The following GPR39 variants were observed in gnomAD, a reference collection of about 807,000 sequenced individuals.
GPR39 encodes the protein G protein-coupled receptor 39, also known as zinc sensing receptor.
GPR39 carries 23 observed loss-of-function variants against 18.4 expected under a neutral mutation model. The observed-to-expected ratio is 1.25, with a 90% CI of 0.90 to 1.77. The LOEUF (loss-of-function observed/expected upper bound fraction) is 1.77, where lower values mean the gene tolerates loss of function less well. Ranked by LOEUF, GPR39 falls within the 40% of genes most tolerant of loss-of-function variation. The probability of loss-of-function intolerance (pLI) is 0.00; values close to 1 mark genes in which losing one functional copy is unlikely to be tolerated. For missense variants in GPR39, 647 were observed against 602.4 expected (o/e 1.07, Z -0.78); for synonymous variants, 280 against 257.9 (o/e 1.09, Z -0.82).
At chr2:132,471,246 G>A (rs895395453) in intron 1 of GPR39, among the ~76,000 whole-genome samples, 5 of 152,100 alleles carry the variant, frequency 3.3e-5, no homozygotes, top group African/African-American at 9.7e-5. Context: ...GATGAGAATA[G>A]TCCATCCAGT....
Position 132,645,991 on chromosome 2 carries a change from T to C in GPR39, c.*385T>C. 1 of 1,346,086 alleles carries C rather than the reference T, an allele frequency of 7.4e-7. No homozygotes were observed. The highest frequency in any genetic ancestry group is 1.5e-5 in the South Asian group (1 of 64,784). 83.4% of individuals were successfully genotyped at this position (1,346,086 alleles called of 1,614,324 possible). A position where few individuals can be genotyped will look rare whatever the true frequency, so the allele number is the denominator to read the frequency against. On this transcript the variant is annotated 3_prime_UTR_variant, in exon 2 of 2. Coordinates refer to ENST00000329321, the MANE Select transcript of GPR39 (RefSeq NM_001508.3). ...GAAACTCACTCAGGGAGGTGGGGGGTTGGGGGCGAGGGCTGGAAGAACAAT... is the reference window on the plus strand; with the variant it reads ...GAAACTCACTCAGGGAGGTGGGGGGCTGGGGGCGAGGGCTGGAAGAACAAT...
At chr2:132,432,224 T>A (rs1259957057) in intron 1 of GPR39, among the ~76,000 whole-genome samples, 1 of 152,174 alleles carries the variant, frequency 6.6e-6, no homozygotes, top group Non-Finnish European at 1.5e-5. Flanking sequence ...GCAGATTTGG[T>A]GTCTGGTGAT....
chr2:132,523,407 C>T (rs906205354), intron 1 of GPR39, among the ~76,000 whole-genome samples: 86 of 152,142 alleles, frequency 5.7e-4, no homozygotes, highest in African/African-American at 1.8e-3. Flanking sequence ...TTTGTTCATC[C>T]GTTCAGCTTA....
chr2:132,522,282 G>A lies in GPR39; in HGVS notation c.856+104384G>A, dbSNP rs545790500. 3.2e-4 allele frequency among the ~76,000 whole-genome samples: 48 copies of A among 152,162 alleles called. 1 individual carries two copies. Among genetic ancestry groups the A allele is most frequent in the Middle Eastern group, 6.8e-3 (2 of 294 alleles). ...TCATAATTTTTCCTCTAAAATGATC[G>A]CTCATTTATTTGTCTACTGGAGATT... On this transcript the variant is annotated intron_variant, in intron 1 of 1. Coordinates refer to ENST00000329321, the MANE Select transcript of GPR39 (RefSeq NM_001508.3).
At chr2:132,485,146 T>C (rs893923143) in intron 1 of GPR39, among the ~76,000 whole-genome samples, 29 of 152,254 alleles carry the variant, frequency 1.9e-4, no homozygotes, top group Non-Finnish European at 4.3e-4. Flanking sequence ...ATAAAATTTT[T>C]GGTTTCCCAG....
At chr2:132,442,714 T>C (rs954871914) in intron 1 of GPR39, among the ~76,000 whole-genome samples, 1 of 152,270 alleles carries the variant, frequency 6.6e-6, no homozygotes, top group Non-Finnish European at 1.5e-5. Flanking sequence ...TAGATTCATG[T>C]ATAATGAACT....
intron 1 of GPR39, among the ~76,000 whole-genome samples, chr2:132,579,654 G>A (rs1038979627): frequency 6.6e-6 from 1 of 152,100 alleles, no homozygotes; most frequent in African/African-American, 2.4e-5. Context: ...CTTATTAGGA[G>A]ATGGTCTGCT....
intron 1 of GPR39, among the ~76,000 whole-genome samples, chr2:132,528,170 C>A (rs1478816908): frequency 6.6e-6 from 1 of 152,134 alleles, no homozygotes; most frequent in African/African-American, 2.4e-5. Flanking sequence ...TTCCCAGTAC[C>A]ACTTATTAAA....
chr2:132,501,926 G>A (rs1679046767), intron 1 of GPR39, among the ~76,000 whole-genome samples: 2 of 152,092 alleles, frequency 1.3e-5, no homozygotes, highest in East Asian at 1.9e-4. Flanking sequence ...CATTTGCATG[G>A]AGTATCTTTT....
Position 132,421,687 on chromosome 2 carries a change from C to T in GPR39, c.856+3789C>T, listed in dbSNP as rs539232162. On this transcript the variant is annotated intron_variant, in intron 1 of 1. Coordinates refer to ENST00000329321, the MANE Select transcript of GPR39 (RefSeq NM_001508.3). ...TAGCAGTTGCTGCTGAAATGAACTA[C>T]TCTAAAAATAAGGTTGATATACATT... Among the ~76,000 whole-genome samples, 4 of 152,242 alleles carry T rather than the reference C, an allele frequency of 2.6e-5. No homozygotes were observed. In the East Asian group the frequency reaches 7.7e-4, roughly 29 times the overall value.
intron 1 of GPR39, among the ~76,000 whole-genome samples, chr2:132,492,896 A>G (rs1425130431): frequency 3.6e-5 from 5 of 138,448 alleles, no homozygotes; most frequent in Non-Finnish European, 6.2e-5. Flanking sequence ...CCATATATAT[A>G]CCATATATAT....
At chr2:132,526,736 C>CCT (rs1294503815) in intron 1 of GPR39, among the ~76,000 whole-genome samples, 1 of 151,900 alleles carries the variant, frequency 6.6e-6, no homozygotes, top group Non-Finnish European at 1.5e-5. Context: ...TTCTCAGGGC[C>CCT]CTGATAGCTC....
chr2:132,493,523 T>C (rs1175803294), intron 1 of GPR39, among the ~76,000 whole-genome samples: 4 of 139,384 alleles, frequency 2.9e-5, no homozygotes, highest in South Asian at 2.2e-4. Flanking sequence ...TATATATATA[T>C]ATATACACAC....
At chr2:132,526,607 G>A (rs1295898990) in intron 1 of GPR39, among the ~76,000 whole-genome samples, 1 of 152,190 alleles carries the variant, frequency 6.6e-6, no homozygotes, top group Admixed American at 6.5e-5. Context: ...CTTATTGGAT[G>A]GTTGCACCAT....
Position 132,640,747 on chromosome 2 carries a change from C to T in GPR39, c.857-4354C>T, listed in dbSNP as rs541156995. 2.6e-5 allele frequency among the ~76,000 whole-genome samples: 4 copies of T among 152,210 alleles called. No homozygotes were observed. In the South Asian group the frequency reaches 8.3e-4, roughly 32 times the overall value. On this transcript the variant is annotated intron_variant, in intron 1 of 1. Coordinates refer to ENST00000329321, the MANE Select transcript of GPR39 (RefSeq NM_001508.3). ...ATAAGACTTTAAAGCTTTGTCTTAG[C>T]CACAGGGTAGCTGGGCTAGAGTAGA...
intron 1 of GPR39, among the ~76,000 whole-genome samples, chr2:132,641,609 T>G (rs1388763837): frequency 6.6e-6 from 1 of 152,214 alleles, no homozygotes; most frequent in Non-Finnish European, 1.5e-5. Flanking sequence ...TGTAAGACAT[T>G]TCATCAATAA....
chr2:132,609,754 A>G (rs72985823), intron 1 of GPR39, among the ~76,000 whole-genome samples: 28 of 152,234 alleles, frequency 1.8e-4, no homozygotes, highest in Admixed American at 5.9e-4. Context: ...TGCTTCTGAC[A>G]TGTTCAAAAC....
chr2:132,593,057 T>C (rs1337743535), intron 1 of GPR39, among the ~76,000 whole-genome samples: 1 of 152,220 alleles, frequency 6.6e-6, no homozygotes, highest in Non-Finnish European at 1.5e-5. Flanking sequence ...ACAGTTTTAT[T>C]ACAGCAAAAG....
chr2:132,439,653 G>T (rs1191768371), intron 1 of GPR39, among the ~76,000 whole-genome samples: 1 of 152,204 alleles, frequency 6.6e-6, no homozygotes. Flanking sequence ...TTCTGTGGAG[G>T]CTTATTGCTG....
Sources: gnomAD v4.1 joint callset for allele counts (sites outside exome capture counted in the v4.1 genomes callset) on GRCh38, gnomAD v4.1.1 for gene constraint, MANE v1.5 for transcripts, NCBI Gene and HGNC (gene_info 2026-07-23, HGNC 2026-07-21) for gene names.